Variants in MGMT observed in about 807,000 individuals in gnomAD.
The protein encoded by MGMT is O-6-methylguanine-DNA methyltransferase.
MGMT carries 14 observed loss-of-function variants against 15.9 expected under a neutral mutation model. The ratio of observed to expected loss-of-function variants is 0.88; its 90% CI spans 0.58 to 1.37. MGMT has a LOEUF of 1.37. Among genes scored for constraint, MGMT ranks in the 40% most tolerant of loss-of-function variants. MGMT has a pLI of 0.00. For missense variants in MGMT, 282 were observed against 268.1 expected, an observed-to-expected ratio of 1.05 and a Z score of -0.36; for synonymous variants, 130 against 118.2, an observed-to-expected ratio of 1.10 and a Z score of -0.65.
Position 129,725,194 on chromosome 10 carries a change from T to C in MGMT, c.274+17151T>C, listed in dbSNP as rs533753044. ...AGCCTTGCACTCAGCTTTGCAGCCG[T>C]CCCTGTCCAGCCAGCTTCCACGCAA... is the stretch of plus-strand genomic sequence containing the variant. On this transcript the variant is annotated intron_variant, in intron 3 of 4. Coordinates refer to ENST00000651593, the MANE Select transcript of MGMT (RefSeq NM_002412.5). 1.2e-3 allele frequency among the ~76,000 whole-genome samples: 189 copies of C among 152,298 alleles called. 4 individuals carry two copies. In the South Asian group the frequency reaches 0.038, roughly 30 times the overall value.
chr10:129,521,092 C>T (rs531726584), intron 1 of MGMT, among the ~76,000 whole-genome samples: 5 of 152,188 alleles, frequency 3.3e-5, no homozygotes, highest in African/African-American at 1.2e-4. Context: ...GGGCATGGCC[C>T]TCCTGGAAGC....
At chr10:129,472,608 G>A (rs1264522232) in intron 1 of MGMT, among the ~76,000 whole-genome samples, 1 of 152,184 alleles carries the variant, frequency 6.6e-6, no homozygotes, top group Non-Finnish European at 1.5e-5. Flanking sequence ...TGCTTTACAA[G>A]TTACAATCCT....
At chr10:129,675,694 G>A (rs200940077) in intron 2 of MGMT, among the ~76,000 whole-genome samples, 2 of 152,142 alleles carry the variant, frequency 1.3e-5, no homozygotes, top group Admixed American at 1.3e-4. Flanking sequence ...TCAGAGATAT[G>A]GCCTGAGAGC....
chr10:129,646,719 AATATATATATATATATATATATATAT>A lies in MGMT; in HGVS notation c.126-61165_126-61140del, dbSNP rs10543851. Among the ~76,000 whole-genome samples, 9 of 81,720 alleles carry A rather than the reference AATATATATATATATATATATATATAT, an allele frequency of 1.1e-4. 1 individual carries two copies. The highest frequency in any genetic ancestry group is 4.3e-4 in the African/African-American group (9 of 21,060). 53.6% of individuals were successfully genotyped at this position (81,720 alleles called of 152,430 possible). A position where few individuals can be genotyped will look rare whatever the true frequency, so the allele number is the denominator to read the frequency against. ...TTCCAGAAGCCTGCTGCCCATCAGA[AATATATATATATATATATATATATAT>A]ATATATATATTTTCAGGGAATGGTA... On this transcript the variant is annotated intron_variant, in intron 2 of 4. Transcript: ENST00000651593.
Position 129,759,449 on chromosome 10 carries a change from TG to T in MGMT, c.414+111del. The T allele has an allele frequency of 2.0e-6, 3 of 1,536,408 alleles. No individual in the cohort carries two copies. In the South Asian group the frequency reaches 3.6e-5, roughly 18 times the overall value. On this transcript the variant is annotated intron_variant, in intron 4 of 4. Coordinates refer to ENST00000651593, the MANE Select transcript of MGMT (RefSeq NM_002412.5). ...CGGAAGGCAGGCTGTGCTGCTGGGG[TG>T]GGCAGAGGGGCGATATCTGTGATGG...
At chr10:129,602,434 G>A (rs915930475) in intron 2 of MGMT, among the ~76,000 whole-genome samples, 31 of 152,142 alleles carry the variant, frequency 2.0e-4, no homozygotes, top group African/African-American at 7.2e-4. Context: ...AAGATAATTG[G>A]TGTGCTCCTC....
At chr10:129,740,860 A>G (rs538015760) in intron 3 of MGMT, among the ~76,000 whole-genome samples, 1 of 152,322 alleles carries the variant, frequency 6.6e-6, no homozygotes, top group East Asian at 1.9e-4. Context: ...GGTACCTAGT[A>G]AGCACTCAGT....
intron 2 of MGMT, among the ~76,000 whole-genome samples, chr10:129,559,515 T>C (rs986004639): frequency 4.6e-5 from 7 of 152,156 alleles, no homozygotes; most frequent in African/African-American, 1.7e-4. Context: ...TTTTTTTTAA[T>C]GTTTTAGGGG....
chr10:129,685,311 G>A (rs1178478352), intron 2 of MGMT, among the ~76,000 whole-genome samples: 1 of 152,198 alleles, frequency 6.6e-6, no homozygotes, highest in Admixed American at 6.5e-5. Flanking sequence ...AATCTTGCTG[G>A]TGTCTCCAAA....
chr10:129,477,620 A>C (rs1845310201), intron 1 of MGMT, among the ~76,000 whole-genome samples: 1 of 152,190 alleles, frequency 6.6e-6, no homozygotes. Context: ...GTGTGAGGAC[A>C]CAGCGAGGAG....
At chr10:129,724,403 T>C (rs1050160035) in intron 3 of MGMT, among the ~76,000 whole-genome samples, 5 of 152,136 alleles carry the variant, frequency 3.3e-5, no homozygotes, top group African/African-American at 1.2e-4. Flanking sequence ...AGTGAGAAAC[T>C]GGGAAGGGGC....
In MGMT at chr10:129,624,383, G is replaced by A. The variant is rs1182629760; in HGVS notation, c.126-83512G>A. On this transcript the variant is annotated intron_variant, in intron 2 of 4. Transcript: ENST00000651593. ...CCTGCAGCCTGTTGGACCCCGGGCC[G>A]TGTGTCTTTGGAGGACAGAGACATT... Among the ~76,000 whole-genome samples the A allele has an allele frequency of 3.9e-5, 6 of 152,176 alleles. No individual in the cohort carries two copies. The South Asian group carries it at 6.2e-4, about 16-fold the overall frequency.
At position 129,532,693 on chromosome 10, in the gene MGMT, A is replaced by G. The variant is rs1231498962; in HGVS notation, c.-12-3548A>G. ...GAACTCGAGGTGTGGTCTGTGCAGA[A>G]TGGCGTGACAGCCCTTCCAGCCCGT... On this transcript the variant is annotated intron_variant, in intron 1 of 4. Coordinates refer to ENST00000651593, the MANE Select transcript of MGMT (RefSeq NM_002412.5). The surrounding 1 kb of genome is among the most constrained non-coding windows in gnomAD (Gnocchi z 5.3). Among the ~76,000 whole-genome samples the G allele has an allele frequency of 6.6e-6, 1 of 152,098 alleles. No individual in the cohort carries two copies. Among genetic ancestry groups the G allele is most frequent in the East Asian group, 1.9e-4 (1 of 5,166 alleles).
Position 129,533,402 on chromosome 10 carries a change from G to A in MGMT, c.-12-2839G>A, listed in dbSNP as rs1004142555. Reference sequence around the variant, plus strand: ...ACCTGAGTCTGGAGCCCTGAGCCCAGGCCTCCTGACTCCGACAGCCTGCAG... The same window carrying A: ...ACCTGAGTCTGGAGCCCTGAGCCCAAGCCTCCTGACTCCGACAGCCTGCAG... On this transcript the variant is annotated intron_variant, in intron 1 of 4. Coordinates refer to ENST00000651593, the MANE Select transcript of MGMT (RefSeq NM_002412.5). This position sits in a 1 kb window ranked among gnomAD's most constrained non-coding sequence, Gnocchi z 4.5. Among the ~76,000 whole-genome samples the A allele has an allele frequency of 3.9e-5, 6 of 152,180 alleles. No individual in the cohort carries two copies. Among genetic ancestry groups the A allele is most frequent in the African/African-American group, 1.4e-4 (6 of 41,428 alleles).
intron 1 of MGMT, among the ~76,000 whole-genome samples, chr10:129,506,785 A>G (rs760871932): frequency 6.6e-6 from 1 of 152,202 alleles, no homozygotes; most frequent in Non-Finnish European, 1.5e-5. Context: ...TAGTACAAAT[A>G]CCTTCTTAAT....
intron 2 of MGMT, among the ~76,000 whole-genome samples, chr10:129,686,808 A>G (rs1385528325): frequency 6.6e-6 from 1 of 152,244 alleles, no homozygotes; most frequent in East Asian, 1.9e-4. Context: ...AGGCTGTGAT[A>G]GAGGAAGGCC....
intron 2 of MGMT, among the ~76,000 whole-genome samples, chr10:129,629,610 A>G (rs893267145): frequency 2.0e-5 from 3 of 152,160 alleles, no homozygotes; most frequent in African/African-American, 7.2e-5. Context: ...CGCGTTGATC[A>G]TCTTTAGGAT....
chr10:129,756,174 A>G (rs1848803694), intron 3 of MGMT, among the ~76,000 whole-genome samples: 1 of 152,232 alleles, frequency 6.6e-6, no homozygotes, highest in African/African-American at 2.4e-5. Context: ...TGGTGCACAC[A>G]TTTAAATAGC....
chr10:129,652,303 G>T lies in MGMT; in HGVS notation c.126-55592G>T, dbSNP rs529394868. Among the ~76,000 whole-genome samples the T allele has an allele frequency of 2.6e-5, 4 of 152,322 alleles. No homozygotes were observed. The East Asian group carries it at 7.7e-4, about 29-fold the overall frequency. Reference sequence around the variant, plus strand: ...CCTCTGGCCCCAGCAGCCCCCGAGCGGAGACGCTGGAGTTCCAGTAGAGTG... The same window carrying T: ...CCTCTGGCCCCAGCAGCCCCCGAGCTGAGACGCTGGAGTTCCAGTAGAGTG... On this transcript the variant is annotated intron_variant, in intron 2 of 4. Transcript: ENST00000651593.
Sources: gnomAD v4.1 joint callset for allele counts (sites outside exome capture counted in the v4.1 genomes callset) on GRCh38, gnomAD v4.1.1 for gene constraint, Gnocchi (gnomAD v3.1) non-coding constraint, MANE v1.5 for transcripts, NCBI Gene and HGNC (gene_info 2026-07-23, HGNC 2026-07-21) for gene names.